The following FTO variants were observed in gnomAD, a reference collection of about 807,000 sequenced individuals.
The protein encoded by FTO is FTO alpha-ketoglutarate dependent dioxygenase, also known as alpha-ketoglutarate-dependent dioxygenase FTO.
FTO carries 47 observed loss-of-function variants against 63.9 expected under a neutral mutation model. That is an observed-to-expected ratio of 0.74 (90% CI 0.58 to 0.94). The LOEUF is 0.94. Among genes scored for constraint, FTO ranks in the 40% least tolerant of loss-of-function variants. The pLI, the probability that FTO is intolerant of heterozygous loss-of-function variation, is 0.00. For missense variants in FTO, 562 were observed against 618.1 expected (o/e 0.91, Z 0.96); for synonymous variants, 207 against 224.4 (o/e 0.92, Z 0.69).
intron 8 of FTO, among the ~76,000 whole-genome samples, chr16:54,004,292 G>A (rs1011412057): frequency 7.9e-5 from 12 of 152,026 alleles, no homozygotes; most frequent in South Asian, 2.1e-4. Flanking sequence ...CTTGAGAGGC[G>A]GAGGGGGGAG....
In FTO at chr16:54,113,572, A is replaced by T. The variant is rs1216369490; in HGVS notation, c.*1657A>T. The T allele has an allele frequency of 6.6e-6, 1 of 152,200 alleles. No homozygotes were observed. Among genetic ancestry groups the T allele is most frequent in the African/African-American group, 2.4e-5 (1 of 41,458 alleles). 9.4% of individuals were successfully genotyped at this position (152,200 alleles called of 1,614,324 possible). ...GCCTCAGTTTCCTCATTGGTAAAAG[A>T]GAAGTGAAGCAGTGTCTCACAGGGT... On this transcript the variant is annotated 3_prime_UTR_variant, in exon 9 of 9. Transcript: ENST00000471389.
rs577340267 is a variant in FTO, at chr16:54,113,588, C to T, written c.*1673C>T. 2.0e-5 allele frequency: 3 copies of T among 152,126 alleles called. No individual in the cohort carries two copies. Among genetic ancestry groups the T allele is most frequent in the Admixed American group, 6.5e-5 (1 of 15,274 alleles). The allele number at this position is 152,126 out of a possible 1,614,324, so 9.4% of individuals were successfully genotyped here. ...TGGTAAAAGAGAAGTGAAGCAGTGTCTCACAGGGTCATTACAGAGATTAAA... is the reference window on the plus strand; with the variant it reads ...TGGTAAAAGAGAAGTGAAGCAGTGTTTCACAGGGTCATTACAGAGATTAAA... On this transcript the variant is annotated 3_prime_UTR_variant, in exon 9 of 9. Transcript: ENST00000471389.
chr16:53,759,693 CAAAAAAAAAAAAAAA>C (rs758376530), intron 1 of FTO, among the ~76,000 whole-genome samples: 1 of 28,516 alleles, frequency 3.5e-5, no homozygotes, highest in Non-Finnish European at 6.6e-5. Context: ...GACTCCTTCT[CAAAAAAAAAAAAAAA>C]AAAAAAAAGA....
chr16:53,842,377 C>T (rs1484648376), intron 3 of FTO, among the ~76,000 whole-genome samples: 2 of 152,158 alleles, frequency 1.3e-5, no homozygotes, highest in East Asian at 1.9e-4. Context: ...GTGCAATGAC[C>T]AGTAAATAGT....
At chr16:53,719,093 T>C (rs995227608) in intron 1 of FTO, among the ~76,000 whole-genome samples, 1 of 152,182 alleles carries the variant, frequency 6.6e-6, no homozygotes, top group African/African-American at 2.4e-5. Flanking sequence ...CTTTTTGTGC[T>C]TTCTTTTGTC....
intron 8 of FTO, among the ~76,000 whole-genome samples, chr16:53,947,576 G>T (rs1005604542): frequency 2.6e-5 from 4 of 152,068 alleles, no homozygotes; most frequent in African/African-American, 9.7e-5. Context: ...TTTATTTGTG[G>T]TGGTGATTTT....
intron 8 of FTO, among the ~76,000 whole-genome samples, chr16:53,975,191 GTTTTAAATATTGTAAGTT>G (rs1457168031): frequency 2.0e-5 from 3 of 151,120 alleles, no homozygotes; most frequent in Non-Finnish European, 4.4e-5. Flanking sequence ...ACGTATTTTG[GTTTTAAATATTGTAAGTT>G]TTTTTTTTTT....
chr16:53,704,081 G>A (rs1354691751), upstream of FTO: 6 of 1,200,612 alleles, frequency 5.0e-6, no homozygotes, highest in South Asian at 2.6e-5. Flanking sequence ...AGGGAGAATA[G>A]CTCCAGACGG....
chr16:53,816,107 T>C (rs947886762), intron 2 of FTO, among the ~76,000 whole-genome samples: 23 of 152,284 alleles, frequency 1.5e-4, no homozygotes, highest in African/African-American at 5.5e-4. Context: ...CCACTAGTAC[T>C]CTCTTCCCTT....
intron 1 of FTO, among the ~76,000 whole-genome samples, chr16:53,759,693 CAAA>C (rs758376530): frequency 1.1e-4 from 3 of 28,518 alleles, no homozygotes; most frequent in Non-Finnish European, 2.0e-4. Flanking sequence ...GACTCCTTCT[CAAA>C]AAAAAAAAAA....
intron 7 of FTO, among the ~76,000 whole-genome samples, chr16:53,894,652 A>T (rs185537171): frequency 3.4e-5 from 4 of 118,168 alleles, no homozygotes; most frequent in African/African-American, 1.2e-4. Context: ...GTGTGTGTAT[A>T]ATTTTTTTCA....
intron 1 of FTO, among the ~76,000 whole-genome samples, chr16:53,806,960 A>C (rs2078390333): frequency 6.6e-6 from 1 of 152,200 alleles, no homozygotes; most frequent in Non-Finnish European, 1.5e-5. Context: ...TCTTGCCCAT[A>C]GTGACCTCGC....
At chr16:53,911,869 A>G (rs574753809) in intron 7 of FTO, among the ~76,000 whole-genome samples, 1 of 152,328 alleles carries the variant, frequency 6.6e-6, no homozygotes, top group African/African-American at 2.4e-5. Flanking sequence ...CGAAAATTGA[A>G]CTCTGTGGCA....
chr16:53,909,473 G>A (rs2081625620), intron 7 of FTO, among the ~76,000 whole-genome samples: 1 of 145,520 alleles, frequency 6.9e-6, no homozygotes, highest in Non-Finnish European at 1.5e-5. Context: ...CTTGAAAGGT[G>A]AATTAGATTT....
intron 2 of FTO, among the ~76,000 whole-genome samples, chr16:53,817,920 A>T (rs2078743974): frequency 1.3e-5 from 2 of 152,238 alleles, no homozygotes; most frequent in Non-Finnish European, 2.9e-5. Context: ...AATCTCAAGA[A>T]ATACAGTATG....
chr16:53,924,001 A>G (rs1447554176), intron 7 of FTO, among the ~76,000 whole-genome samples: 6 of 152,170 alleles, frequency 3.9e-5, no homozygotes, highest in Admixed American at 6.5e-5. Context: ...GCTTTGGGGA[A>G]AAAACAAAAA....
Position 53,997,689 on chromosome 16 carries a change from A to G in FTO, c.1364+63580A>G, listed in dbSNP as rs183519809. Among the ~76,000 whole-genome samples the G allele has an allele frequency of 5.1e-3, 565 of 111,320 alleles. 2 individuals are homozygous for G. Among genetic ancestry groups the G allele is most frequent in the African/African-American group, 0.023 (544 of 23,210 alleles). 73.0% of individuals were successfully genotyped at this position (111,320 alleles called of 152,430 possible). A position where few individuals can be genotyped will look rare whatever the true frequency, so the allele number is the denominator to read the frequency against. ...AACTGTCCTTCTTAATATTTTTGCC[A>G]TATTTGATTTGGATCTTTTTTTTTT... is the stretch of plus-strand genomic sequence containing the variant. On this transcript the variant is annotated intron_variant, in intron 8 of 8. Coordinates refer to ENST00000471389, the MANE Select transcript of FTO (RefSeq NM_001080432.3).
chr16:53,875,499 A>G (rs1206346069), intron 5 of FTO, among the ~76,000 whole-genome samples: 3 of 152,248 alleles, frequency 2.0e-5, no homozygotes, highest in Admixed American at 2.0e-4. Flanking sequence ...CACTACTATT[A>G]TTAAATTACT....
chr16:53,995,349 C>A (rs756823832), intron 8 of FTO, among the ~76,000 whole-genome samples: 1 of 152,130 alleles, frequency 6.6e-6, no homozygotes, highest in African/African-American at 2.4e-5. Context: ...CTAACATAAG[C>A]AATTAAGTGA....
Sources: allele counts gnomAD v4.1 joint callset (sites outside exome capture counted in the v4.1 genomes callset), GRCh38; gene constraint gnomAD v4.1.1; transcripts MANE v1.5; gene names NCBI Gene and HGNC (gene_info 2026-07-23, HGNC 2026-07-21).